The following ATP10B variants were observed in gnomAD, a reference collection of about 807,000 sequenced individuals.
ATP10B encodes phospholipid-transporting ATPase VB.
ATP10B carries 122 observed loss-of-function variants against 141.2 expected under a neutral mutation model. That is an observed-to-expected ratio of 0.86 (90% CI 0.75 to 1.00). The LOEUF (loss-of-function observed/expected upper bound fraction) is 1.00. ATP10B is among the 50% of genes least tolerant of loss of function. ATP10B has a pLI of 0.00. For missense variants in ATP10B, 1,876 were observed against 1,825.3 expected (o/e 1.03, Z -0.51); for synonymous variants, 685 against 692.0 (o/e 0.99, Z 0.16).
chr5:160,616,749 C>T (rs936118919), intron 16 of ATP10B, among the ~76,000 whole-genome samples: 7 of 152,162 alleles, frequency 4.6e-5, no homozygotes, highest in South Asian at 2.1e-4. Context: ...ATAGAGAAAA[C>T]GAAAGGGAAC....
At chr5:160,899,662 AT>A in the ATP10B span, among the ~76,000 whole-genome samples, 12 of 152,178 alleles carry the variant, frequency 7.9e-5, no homozygotes, top group East Asian at 2.3e-3. Flanking sequence ...CATCACAAAT[AT>A]TTTTTAAAAT....
chr5:160,625,832 A>G (rs1255413383), intron 13 of ATP10B, among the ~76,000 whole-genome samples: 5 of 152,230 alleles, frequency 3.3e-5, no homozygotes, highest in African/African-American at 9.6e-5. Flanking sequence ...CCTTTCTAGG[A>G]TACCACAATA....
At chr5:160,598,398 G>C (rs1405951221) in intron 22 of ATP10B, among the ~76,000 whole-genome samples, 1 of 152,054 alleles carries the variant, frequency 6.6e-6, no homozygotes, top group East Asian at 1.9e-4. Context: ...GGGGTGGGGG[G>C]AGCAGGGAGG....
intron 2 of ATP10B, among the ~76,000 whole-genome samples, chr5:160,753,208 G>A (rs1377757074): frequency 1.3e-5 from 2 of 152,182 alleles, no homozygotes; most frequent in Non-Finnish European, 2.9e-5. Flanking sequence ...TAAGTTTACA[G>A]TGAGGAAACG....
chr5:160,828,014 A>C (rs1774762890), intron 1 of ATP10B, among the ~76,000 whole-genome samples: 1 of 152,146 alleles, frequency 6.6e-6, no homozygotes, highest in Non-Finnish European at 1.5e-5. Flanking sequence ...CATATGTAGA[A>C]AGCTGAAACT....
the ATP10B span, among the ~76,000 whole-genome samples, chr5:160,923,460 T>C: frequency 6.6e-6 from 1 of 152,180 alleles, no homozygotes; most frequent in Admixed American, 6.5e-5. Context: ...AGTGAAAAGG[T>C]ATACATATAG....
At chr5:160,866,161 C>T in the ATP10B span, among the ~76,000 whole-genome samples, 4,367 of 152,124 alleles carry the variant, frequency 0.029, 170 homozygotes, top group South Asian at 0.17. Flanking sequence ...ATGGAACCAA[C>T]CTAAATGCTT....
rs145401341 is a variant in ATP10B, at chr5:160,847,106, AAG to A, written c.-576+4833_-576+4834del. 4.0e-3 allele frequency among the ~76,000 whole-genome samples: 605 copies of A among 152,282 alleles called. 4 individuals carry two copies. The highest frequency in any genetic ancestry group is 0.014 in the African/African-American group (568 of 41,556). On this transcript the variant is annotated intron_variant, in intron 1 of 25. Transcript: ENST00000327245. ...TTATAGATAAGGAGACTGGAGCTCA[AAG>A]AGAGTAATTTGAACTGTTGTCTGCA...
chr5:160,759,333 T>G (rs1768862427), intron 2 of ATP10B, among the ~76,000 whole-genome samples: 1 of 152,196 alleles, frequency 6.6e-6, no homozygotes. Flanking sequence ...ACGATTGACA[T>G]TTTGAATAAC....
chr5:160,787,421 G>T (rs1025047251), intron 1 of ATP10B, among the ~76,000 whole-genome samples: 2 of 152,158 alleles, frequency 1.3e-5, no homozygotes, highest in South Asian at 4.1e-4. Flanking sequence ...GTTATTGTTG[G>T]CTAAGCCAAC....
chr5:160,652,925 T>G (rs1440900400), intron 7 of ATP10B, among the ~76,000 whole-genome samples: 2 of 81,666 alleles, frequency 2.4e-5, no homozygotes, highest in Non-Finnish European at 4.1e-5. Flanking sequence ...ATATATAATA[T>G]ATTATATATA....
At chr5:160,570,948 T>C (rs995094839) in intron 24 of ATP10B, among the ~76,000 whole-genome samples, 6 of 152,254 alleles carry the variant, frequency 3.9e-5, no homozygotes, top group African/African-American at 1.4e-4. Flanking sequence ...GTTATTAATC[T>C]CCACTTGTTC....
intron 22 of ATP10B, among the ~76,000 whole-genome samples, chr5:160,592,757 A>T (rs1032626190): frequency 1.3e-5 from 2 of 152,224 alleles, no homozygotes; most frequent in African/African-American, 4.8e-5. Context: ...GCACCAGGAG[A>T]TTATATCCTG....
the ATP10B span, among the ~76,000 whole-genome samples, chr5:160,893,763 C>T: frequency 2.6e-5 from 4 of 152,196 alleles, no homozygotes; most frequent in Non-Finnish European, 5.9e-5. Flanking sequence ...CACCTCCCAG[C>T]AGGGGTCGAC....
chr5:160,900,714 T>C, the ATP10B span, among the ~76,000 whole-genome samples: 1 of 152,166 alleles, frequency 6.6e-6, no homozygotes, highest in Non-Finnish European at 1.5e-5. Context: ...ACATTAAGAT[T>C]AGGCCATATG....
chr5:160,891,351 AT>A, the ATP10B span, among the ~76,000 whole-genome samples: 1 of 152,030 alleles, frequency 6.6e-6, no homozygotes, highest in Admixed American at 6.6e-5. Context: ...ACCCCCAGTG[AT>A]TTTCCTCTTA....
chr5:160,810,896 G>A (rs939695032), intron 1 of ATP10B, among the ~76,000 whole-genome samples: 2 of 151,996 alleles, frequency 1.3e-5, no homozygotes, highest in African/African-American at 4.8e-5. Context: ...TCCTATTTGG[G>A]GTTTGTTCAA....
intron 8 of ATP10B, among the ~76,000 whole-genome samples, chr5:160,644,701 A>G (rs1033378220): frequency 1.8e-4 from 28 of 152,276 alleles, no homozygotes; most frequent in African/African-American, 6.3e-4. Flanking sequence ...TCAGGAAGTT[A>G]CCCTATATGG....
chr5:160,774,447 G>A (rs982455313), intron 2 of ATP10B, among the ~76,000 whole-genome samples: 1 of 152,168 alleles, frequency 6.6e-6, no homozygotes, highest in Non-Finnish European at 1.5e-5. Flanking sequence ...ATTTGTACAC[G>A]GGTAAAATGA....
Sources: allele counts gnomAD v4.1 joint callset (sites outside exome capture counted in the v4.1 genomes callset), GRCh38; gene constraint gnomAD v4.1.1; transcripts MANE v1.5; gene names NCBI Gene and HGNC (gene_info 2026-07-23, HGNC 2026-07-21).